Variants in NYAP2 observed in about 807,000 individuals in gnomAD.
NYAP2 encodes the protein neuronal tyrosine-phosphorylated phosphoinositide-3-kinase adapter 2.
Under a neutral mutation model 50.4 loss-of-function variants are expected in NYAP2, and 23 were observed. That is an observed-to-expected ratio of 0.46 (90% CI 0.33 to 0.65). The LOEUF (loss-of-function observed/expected upper bound fraction) is 0.65, where lower values mean the gene tolerates loss of function less well. Among genes scored for constraint, NYAP2 ranks in the 30% least tolerant of loss-of-function variants. The pLI is 0.02. For synonymous variants in NYAP2, 394 were observed against 365.2 expected, an observed-to-expected ratio of 1.08 and a Z score of -0.90; for missense variants, 885 against 861.0, an observed-to-expected ratio of 1.03 and a Z score of -0.35.
intron 3 of NYAP2, among the ~76,000 whole-genome samples, chr2:225,448,465 A>AATG (rs1487994343): frequency 6.6e-6 from 1 of 152,216 alleles, no homozygotes; most frequent in Non-Finnish European, 1.5e-5. Context: ...TCACTGAATT[A>AATG]ATGTGCCCAT....
intron 3 of NYAP2, among the ~76,000 whole-genome samples, chr2:225,505,008 G>GAA (rs11372243): frequency 0.3 from 42,796 of 142,558 alleles, 6,397 homozygotes; most frequent in South Asian, 0.47. Flanking sequence ...ACTGCGTCTC[G>GAA]AAAAAAAAAA....
chr2:225,681,117 G>A, the NYAP2 span, among the ~76,000 whole-genome samples: 3 of 152,128 alleles, frequency 2.0e-5, no homozygotes. Context: ...ATCACATAAA[G>A]TGCAACAGTT....
At chr2:225,411,682 T>G (rs1157160117) in intron 3 of NYAP2, among the ~76,000 whole-genome samples, 2 of 151,948 alleles carry the variant, frequency 1.3e-5, no homozygotes, top group Non-Finnish European at 1.5e-5. Flanking sequence ...AAGAATTCAG[T>G]AAGAACGGTT....
chr2:225,513,220 C>A, intron 3 of NYAP2, 151 bp from the exon 4 acceptor site: 1 of 695,098 alleles, frequency 1.4e-6, no homozygotes, highest in Non-Finnish European at 2.4e-6. Context: ...AGAATGCTTT[C>A]ATGCTACTTG....
At chr2:225,587,022 G>C (rs1208495153) in intron 5 of NYAP2, among the ~76,000 whole-genome samples, 1 of 152,174 alleles carries the variant, frequency 6.6e-6, no homozygotes, top group African/African-American at 2.4e-5. Flanking sequence ...AGGAAAGAGA[G>C]AGCTCGCAAG....
At chr2:225,641,279 C>T (rs762591538) in intron 6 of NYAP2, among the ~76,000 whole-genome samples, 2 of 152,058 alleles carry the variant, frequency 1.3e-5, no homozygotes, top group Non-Finnish European at 2.9e-5. Flanking sequence ...CCACAAAAGA[C>T]ATTATAAAAT....
chr2:225,697,808 TA>T, the NYAP2 span, among the ~76,000 whole-genome samples: 1 of 152,116 alleles, frequency 6.6e-6, no homozygotes, highest in South Asian at 2.1e-4. Flanking sequence ...TTTACTAATT[TA>T]AGTACAAAAT....
chr2:225,491,826 C>T (rs1326627040), intron 3 of NYAP2, among the ~76,000 whole-genome samples: 2 of 152,184 alleles, frequency 1.3e-5, no homozygotes, highest in African/African-American at 2.4e-5. Flanking sequence ...TCATATAAAG[C>T]AATAAGATTC....
chr2:225,455,643 C>A (rs1042708504), intron 3 of NYAP2, among the ~76,000 whole-genome samples: 1 of 152,120 alleles, frequency 6.6e-6, no homozygotes, highest in Non-Finnish European at 1.5e-5. Flanking sequence ...CTCCTATAGC[C>A]TTTTGTTATT....
At chr2:225,465,174 G>A (rs184467051) in intron 3 of NYAP2, among the ~76,000 whole-genome samples, 14 of 152,166 alleles carry the variant, frequency 9.2e-5, no homozygotes, top group Non-Finnish European at 1.5e-4. Flanking sequence ...AGGACATATC[G>A]ACTTACCCTT....
intron 5 of NYAP2, among the ~76,000 whole-genome samples, chr2:225,600,954 C>A (rs1692681171): frequency 6.6e-6 from 1 of 152,056 alleles, no homozygotes; most frequent in Admixed American, 6.6e-5. Flanking sequence ...TTCATACATC[C>A]ATTGAAGGAT....
intron 3 of NYAP2, among the ~76,000 whole-genome samples, chr2:225,430,591 A>T (rs1170268971): frequency 6.6e-6 from 1 of 152,168 alleles, no homozygotes; most frequent in Non-Finnish European, 1.5e-5. Context: ...ACCCCACCAC[A>T]CTATGAATTA....
At chr2:225,675,564 G>T in the NYAP2 span, among the ~76,000 whole-genome samples, 1 of 152,180 alleles carries the variant, frequency 6.6e-6, no homozygotes. Flanking sequence ...GGGCACTTAG[G>T]TTGATTCCAC....
the NYAP2 span, among the ~76,000 whole-genome samples, chr2:225,674,397 T>C: frequency 6.6e-6 from 1 of 152,110 alleles, no homozygotes; most frequent in Non-Finnish European, 1.5e-5. Flanking sequence ...TCCCTTTATC[T>C]AGAAGCTTTG....
At chr2:225,478,854 G>C (rs562476263) in intron 3 of NYAP2, among the ~76,000 whole-genome samples, 1 of 152,218 alleles carries the variant, frequency 6.6e-6, no homozygotes, top group South Asian at 2.1e-4. Context: ...AATATCTCTT[G>C]TATCACCTAT....
At chr2:225,471,976 AT>A (rs11307176) in intron 3 of NYAP2, among the ~76,000 whole-genome samples, 40,297 of 152,088 alleles carry the variant, frequency 0.26, 5,920 homozygotes, top group South Asian at 0.53. Flanking sequence ...ATGAGTACTT[AT>A]TATATTCCCT....
intron 4 of NYAP2, 83 bp from the exon 5 acceptor site, chr2:225,581,858 A>G: frequency 2.2e-6 from 3 of 1,356,272 alleles, no homozygotes; most frequent in Non-Finnish European, 3.0e-6. Context: ...CCTAAAGTTT[A>G]TTGTAGTAAA....
rs140703051 is a variant in NYAP2 at position 225,523,024 on chromosome 2, T to G, written c.523+9352T>G. Among the ~76,000 whole-genome samples, 571 of 151,920 alleles carry G rather than the reference T, an allele frequency of 3.8e-3. 2 individuals are homozygous for G. The highest frequency in any genetic ancestry group is 0.013 in the African/African-American group (556 of 41,470). ...CTGGAGACAGTTGAAGAAAAAGGAG[T>G]GGAAACAAATTGAGTGTGTTCATCT... On this transcript the variant is annotated intron_variant, in intron 4 of 6. Transcript: ENST00000636099.
At chr2:225,676,229 C>A in the NYAP2 span, among the ~76,000 whole-genome samples, 1 of 151,976 alleles carries the variant, frequency 6.6e-6, no homozygotes, top group Non-Finnish European at 1.5e-5. Flanking sequence ...TTTCACAAAA[C>A]CTAGGTTGAG....
Sources: gnomAD v4.1 joint callset for allele counts (sites outside exome capture counted in the v4.1 genomes callset) on GRCh38, gnomAD v4.1.1 for gene constraint, MANE v1.5 for transcripts, NCBI Gene and HGNC (gene_info 2026-07-23, HGNC 2026-07-21) for gene names.